Variants in USP3 observed in about 807,000 individuals in gnomAD.
USP3 encodes ubiquitin carboxyl-terminal hydrolase 3.
Under a neutral mutation model 72.3 loss-of-function variants are expected in USP3, and 20 were observed. The observed-to-expected ratio is 0.28, with a 90% CI of 0.19 to 0.40. USP3 has a LOEUF of 0.40. Among genes scored for constraint, USP3 ranks in the 10% least tolerant of loss-of-function variants. USP3 has a pLI of 1.00. For missense variants in USP3, 479 were observed against 633.9 expected (o/e 0.76, Z 2.62); for synonymous variants, 222 against 225.3 (o/e 0.99, Z 0.13).
chr15:63,555,298 A>T (rs1281402449), intron 4 of USP3, among the ~76,000 whole-genome samples: 6 of 152,172 alleles, frequency 3.9e-5, no homozygotes, highest in Non-Finnish European at 7.3e-5. Context: ...AACTACGATC[A>T]TATTTGTGTT....
At chr15:63,567,836 T>C (rs1188171919) in intron 8 of USP3, among the ~76,000 whole-genome samples, 2 of 152,214 alleles carry the variant, frequency 1.3e-5, no homozygotes, top group African/African-American at 4.8e-5. Context: ...AAATTTGGTT[T>C]GTAGTCATTG....
chr15:63,556,549 A>G (rs898964567), intron 4 of USP3, 118 bp from the exon 5 acceptor site: 10 of 649,096 alleles, frequency 1.5e-5, no homozygotes, highest in East Asian at 3.0e-5. Context: ...GGCCTGACGA[A>G]GCAGTCAGGG....
intron 1 of USP3, among the ~76,000 whole-genome samples, chr15:63,507,450 G>A (rs2065728309): frequency 6.6e-6 from 1 of 152,134 alleles, no homozygotes; most frequent in African/African-American, 2.4e-5. Context: ...GATGAACAAG[G>A]TAATTTTTTG....
chr15:63,588,738 G>A lies in USP3; in HGVS notation c.1252G>A (p.Ala418Thr). 6.2e-7 allele frequency: 1 copy of A among 1,614,054 alleles called. No homozygotes were observed. The highest frequency in any genetic ancestry group is 8.5e-7 in the Non-Finnish European group (1 of 1,179,916). The part of the protein sequence containing the change: ...CLHLKRFHWT[A>T]YLRNKVDTYV... Reference sequence around the variant, plus strand: ...ACATTTGAAAAGATTTCATTGGACAGCATATTTAAGAAATAAAGTTGATAC... The same window carrying A: ...ACATTTGAAAAGATTTCATTGGACAACATATTTAAGAAATAAAGTTGATAC... The change falls in exon 13 of 15, where the codon GCA becomes ACA. Residue 418 changes from alanine to threonine, a missense_variant. Transcript: ENST00000380324. The surrounding 1 kb of genome is among the most constrained non-coding windows in gnomAD (Gnocchi z 4.6).
At chr15:63,513,469 T>A (rs2065815386) in intron 1 of USP3, among the ~76,000 whole-genome samples, 1 of 152,200 alleles carries the variant, frequency 6.6e-6, no homozygotes, top group South Asian at 2.1e-4. Flanking sequence ...AGCCTGGAAC[T>A]CGCGGGCTTA....
At chr15:63,505,866 T>C (rs568331286) in intron 1 of USP3, among the ~76,000 whole-genome samples, 14 of 152,194 alleles carry the variant, frequency 9.2e-5, no homozygotes, top group Non-Finnish European at 1.9e-4. Context: ...TGAAGAAATA[T>C]AGAAAAACGG....
rs1162026383 is a variant in USP3 at position 63,537,206 on chromosome 15, C to G, written c.284+50C>G. ...AGATTTCTTACTGTGTGCAAGTGTGCTCTCCTCCCCTCCCTTCCCTCAGTC... is the reference window on the plus strand; with the variant it reads ...AGATTTCTTACTGTGTGCAAGTGTGGTCTCCTCCCCTCCCTTCCCTCAGTC... On this transcript the variant is annotated intron_variant, in intron 3 of 14. Coordinates refer to ENST00000380324, the MANE Select transcript of USP3 (RefSeq NM_006537.4). The G allele has an allele frequency of 1.9e-6, 3 of 1,564,694 alleles. No individual in the cohort carries two copies. In the South Asian group the frequency reaches 3.6e-5, roughly 19 times the overall value.
chr15:63,535,916 A>G (rs1308349482), intron 2 of USP3, among the ~76,000 whole-genome samples: 1 of 152,234 alleles, frequency 6.6e-6, no homozygotes, highest in African/African-American at 2.4e-5. Context: ...GTTTTCAAGT[A>G]GGCCTTGCCT....
In USP3 at chr15:63,557,420, G is replaced by A. The variant is rs150502439; in HGVS notation, c.450+672G>A. On this transcript the variant is annotated intron_variant, in intron 5 of 14. Coordinates refer to ENST00000380324, the MANE Select transcript of USP3 (RefSeq NM_006537.4). ...TGGGATTACAGGCACACGCCACCAC[G>A]CCCGGCTAACTTTTTCTGTTTTAGT... 6.7e-3 allele frequency among the ~76,000 whole-genome samples: 1,022 copies of A among 152,110 alleles called. 18 individuals carry two copies. The highest frequency in any genetic ancestry group is 0.024 in the African/African-American group (981 of 41,506).
At chr15:63,525,793 T>G (rs1188679132) in intron 1 of USP3, among the ~76,000 whole-genome samples, 1 of 152,248 alleles carries the variant, frequency 6.6e-6, no homozygotes, top group Admixed American at 6.5e-5. Context: ...TTTACTTATA[T>G]GTACTGGAAT....
chr15:63,547,744 G>GA, intron 3 of USP3, among the ~76,000 whole-genome samples: 2 of 10,222 alleles, frequency 2.0e-4, no homozygotes, highest in African/African-American at 5.7e-4. Flanking sequence ...GAGAGAGAGA[G>GA]GGAGGGAGGG....
In USP3 at chr15:63,590,807, C is replaced by G; in HGVS notation, c.1544C>G (p.Ala515Gly). 1 of 1,613,286 alleles carries G rather than the reference C, an allele frequency of 6.2e-7. No homozygotes were observed. Among genetic ancestry groups the G allele is most frequent in the South Asian group, 1.1e-5 (1 of 90,886 alleles). The change falls in exon 15 of 15, where the codon GCT (alanine) becomes GGT (glycine). Residue 515 changes from alanine (A) to glycine (G), a missense_variant. Coordinates refer to ENST00000380324, the MANE Select transcript of USP3 (RefSeq NM_006537.4). The stretch of plus-strand genomic sequence containing the variant: ...TTCTACGTGGAACACCAGGCCAAAG[C>G]TGGATCGGATAAACTTTAATACCTC... The part of the protein sequence containing the change: ...ILFYVEHQAK[A>G]GSDKL
rs1038142766 is a variant in USP3, at chr15:63,574,206, G to T, written c.1015+54G>T. Reference sequence around the variant, plus strand: ...AATATTTTATTAAAATAAATTTAATGTTTCCTTCAAAAAATAAGTGTAAAG... The same window carrying T: ...AATATTTTATTAAAATAAATTTAATTTTTCCTTCAAAAAATAAGTGTAAAG... On this transcript the variant is annotated intron_variant, in intron 10 of 14. Coordinates refer to ENST00000380324, the MANE Select transcript of USP3 (RefSeq NM_006537.4). This position sits in a 1 kb window ranked among gnomAD's most constrained non-coding sequence, Gnocchi z 4.6. 55 of 1,407,134 alleles carry T rather than the reference G, an allele frequency of 3.9e-5. No individual in the cohort carries two copies. Among genetic ancestry groups the T allele is most frequent in the Non-Finnish European group, 5.1e-5 (54 of 1,057,690 alleles). The allele number at this position is 1,407,134 out of a possible 1,614,324, so 87.2% of individuals were successfully genotyped here.
intron 14 of USP3, among the ~76,000 whole-genome samples, chr15:63,589,709 ATT>A (rs1215772277): frequency 6.6e-6 from 1 of 152,042 alleles, no homozygotes; most frequent in Non-Finnish European, 1.5e-5. Flanking sequence ...GTCTGAAATC[ATT>A]TGTTCTCTGT....
At chr15:63,549,339 T>C (rs1257587486) in intron 3 of USP3, among the ~76,000 whole-genome samples, 1 of 152,276 alleles carries the variant, frequency 6.6e-6, no homozygotes, top group African/African-American at 2.4e-5. Context: ...CCAGTATTTG[T>C]ATCTGTATTG....
intron 1 of USP3, among the ~76,000 whole-genome samples, chr15:63,526,683 G>A (rs980225776): frequency 1.1e-4 from 17 of 152,304 alleles, no homozygotes; most frequent in African/African-American, 4.1e-4. Flanking sequence ...GTGAGTTGCT[G>A]TTACTGATGG....
At chr15:63,551,360 A>C (rs2066433770) in intron 3 of USP3, 1 of 151,744 alleles carries the variant, frequency 6.6e-6, no homozygotes, top group African/African-American at 2.4e-5. Flanking sequence ...TGAAAGTAAA[A>C]ATTTTTCTAT....
intron 1 of USP3, among the ~76,000 whole-genome samples, chr15:63,525,293 G>A (rs2065966068): frequency 6.6e-6 from 1 of 152,148 alleles, no homozygotes; most frequent in South Asian, 2.1e-4. Flanking sequence ...CTCATGCCTG[G>A]TCTCCTCCCC....
chr15:63,557,419 C>G (rs182795556), intron 5 of USP3, among the ~76,000 whole-genome samples: 1 of 152,162 alleles, frequency 6.6e-6, no homozygotes, highest in Non-Finnish European at 1.5e-5. Context: ...CACGCCACCA[C>G]GCCCGGCTAA....
Sources: gnomAD v4.1 joint callset for allele counts (sites outside exome capture counted in the v4.1 genomes callset) on GRCh38, gnomAD v4.1.1 for gene constraint, Gnocchi (gnomAD v3.1) non-coding constraint, MANE v1.5 for transcripts, NCBI Gene and HGNC (gene_info 2026-07-23, HGNC 2026-07-21) for gene names.